Variants in GOLGA4 observed in about 807,000 individuals in gnomAD.
The protein encoded by GOLGA4 is golgin A4.
A neutral mutation model predicts 265.9 loss-of-function variants in GOLGA4; 169 were observed. The observed-to-expected ratio is 0.64, with a 90% CI of 0.56 to 0.72. The LOEUF (loss-of-function observed/expected upper bound fraction) is 0.72, where lower values mean the gene tolerates loss of function less well. GOLGA4 is among the 30% of genes least tolerant of loss of function. GOLGA4 has a pLI of 0.00. For missense variants in GOLGA4, 2,482 were observed against 2,483.4 expected, an observed-to-expected ratio of 1.00 and a Z score of 0.01; for synonymous variants, 923 against 855.8, an observed-to-expected ratio of 1.08 and a Z score of -1.37.
intron 16 of GOLGA4, among the ~76,000 whole-genome samples, chr3:37,333,648 C>A (rs1245956548): frequency 6.6e-6 from 1 of 152,048 alleles, no homozygotes; most frequent in Non-Finnish European, 1.5e-5. Context: ...GAAATGTCAA[C>A]AAACCAAGAC....
At chr3:37,269,677 C>A (rs1005159803) in intron 2 of GOLGA4, among the ~76,000 whole-genome samples, 5 of 152,110 alleles carry the variant, frequency 3.3e-5, no homozygotes, top group Admixed American at 2.0e-4. Context: ...GAAGGCATTA[C>A]AAATAGTGAC....
intron 10 of GOLGA4, chr3:37,313,657 CATT>C (rs1242938373): frequency 1.3e-5 from 2 of 152,088 alleles, no homozygotes; most frequent in African/African-American, 2.4e-5. Context: ...CCTAGGGTAT[CATT>C]ATGCAAATAA....
chr3:37,298,185 G>A (rs1437787583), intron 7 of GOLGA4, among the ~76,000 whole-genome samples: 7 of 152,132 alleles, frequency 4.6e-5, no homozygotes, highest in Non-Finnish European at 2.9e-5. Context: ...AGTAATTCAC[G>A]CAGAGCCGAG....
intron 19 of GOLGA4, among the ~76,000 whole-genome samples, chr3:37,339,140 G>T (rs901216337): frequency 1.8e-4 from 28 of 152,278 alleles, no homozygotes; most frequent in African/African-American, 6.5e-4. Context: ...GGGATTACAG[G>T]CATGAGCCAC....
chr3:37,327,672 A>G lies in GOLGA4; in HGVS notation c.5786A>G (p.Glu1929Gly), dbSNP rs1328376445. ...ATGGAAGCCCAGCACAATGATCTGGAGTTTAAATTAGCCGGGGCAGAACGG... is the reference window on the plus strand; with the variant it reads ...ATGGAAGCCCAGCACAATGATCTGGGGTTTAAATTAGCCGGGGCAGAACGG... ...SNMEAQHNDL[E>G]FKLAGAEREK... The change falls in exon 14 of 24, where the codon GAG (glutamate) becomes GGG (glycine). Residue 1929 changes from glutamate (E) to glycine (G), a missense_variant. Physicochemically the swap from Glu to Gly is moderately conservative, Grantham distance 98. This residue lies in a region of GOLGA4 where 942 missense variants were observed against 983.1 expected (regional missense o/e 0.96). Transcript: ENST00000361924. 5 of 1,613,918 alleles carry G rather than the reference A, an allele frequency of 3.1e-6. No homozygotes were observed. The highest frequency in any genetic ancestry group is 4.2e-6 in the Non-Finnish European group (5 of 1,179,918).
chr3:37,302,273 A>G lies in GOLGA4; in HGVS notation c.1175A>G (p.Lys392Arg), dbSNP rs2096895083. 6.2e-7 allele frequency: 1 copy of G among 1,613,274 alleles called. No homozygotes were observed. The change falls in exon 10 of 24, where the codon AAA becomes AGA. Residue 392 changes from lysine (K) to arginine (R), a missense_variant. This residue lies in a region of GOLGA4 where 1,536 missense variants were observed against 1,483.7 expected (regional missense o/e 1.04). Coordinates refer to ENST00000361924, the MANE Select transcript of GOLGA4 (RefSeq NM_002078.5). ...EEIAQLRSRI[K>R]QMTTQGEELR... ...ATTGCTCAACTCCGTAGTCGCATCA[A>G]ACAGATGACTACCCAGGGAGAGGAA...
In GOLGA4 at chr3:37,282,047, A is replaced by G. The variant is rs755539607; in HGVS notation, c.252A>G (p.Leu84=). The G allele has an allele frequency of 3.7e-6, 6 of 1,613,872 alleles. No individual in the cohort carries two copies. The Admixed American group carries it at 6.7e-5, about 18-fold the overall frequency. The change falls in exon 3 of 24, where the codon CTA becomes CTG. Residue 84 remains leucine, a synonymous_variant. Transcript: ENST00000361924. ...SLFRSPIKES[L]FRSSSKESLV... ...TTCGAAGTCCGATAAAGGAATCTCTATTCCGGTCTTCTTCTAAAGAGTCTT... is the reference window on the plus strand; with the variant it reads ...TTCGAAGTCCGATAAAGGAATCTCTGTTCCGGTCTTCTTCTAAAGAGTCTT...
intron 2 of GOLGA4, chr3:37,273,527 T>TG (rs1229039216): frequency 6.8e-6 from 10 of 1,468,236 alleles, no homozygotes; most frequent in Non-Finnish European, 7.4e-6. Flanking sequence ...GTTTCTTTCT[T>TG]TTTCTTAGAA....
chr3:37,283,814 A>G (rs943115614), intron 3 of GOLGA4, among the ~76,000 whole-genome samples: 3 of 152,194 alleles, frequency 2.0e-5, no homozygotes, highest in African/African-American at 4.8e-5. Context: ...GGCATGAGCC[A>G]CTACACCTGT....
chr3:37,259,637 T>G (rs913951771), intron 2 of GOLGA4, among the ~76,000 whole-genome samples: 5 of 152,198 alleles, frequency 3.3e-5, no homozygotes, highest in Non-Finnish European at 5.9e-5. Context: ...TCCACTTTCT[T>G]GTTGCATATG....
At chr3:37,268,172 C>T (rs904862503) in intron 2 of GOLGA4, among the ~76,000 whole-genome samples, 10 of 151,998 alleles carry the variant, frequency 6.6e-5, no homozygotes, top group Non-Finnish European at 1.2e-4. Flanking sequence ...CCCTCAAATC[C>T]CTGGGCTCAA....
intron 19 of GOLGA4, among the ~76,000 whole-genome samples, chr3:37,338,936 A>G (rs1293194345): frequency 7.0e-6 from 1 of 143,138 alleles, no homozygotes; most frequent in African/African-American, 2.6e-5. Flanking sequence ...ATCTAGGCTC[A>G]CTGCAAGCTC....
intron 1 of GOLGA4, chr3:37,244,300 C>A (rs951187158): frequency 2.6e-5 from 4 of 152,244 alleles, no homozygotes; most frequent in African/African-American, 9.6e-5. Context: ...GGGGCAGACA[C>A]TCTGCCTGTC....
chr3:37,363,839 C>T (rs888378777), intron 23 of GOLGA4, among the ~76,000 whole-genome samples: 2 of 152,070 alleles, frequency 1.3e-5, no homozygotes, highest in African/African-American at 2.4e-5. Flanking sequence ...TCATATTTTC[C>T]TAGTCTTTTT....
Position 37,284,099 on chromosome 3 carries a change from T to C in GOLGA4, c.477+1827T>C, listed in dbSNP as rs560018048. Among the ~76,000 whole-genome samples the C allele has an allele frequency of 6.6e-5, 10 of 152,304 alleles. No individual in the cohort carries two copies. In the East Asian group the frequency reaches 1.9e-3, roughly 29 times the overall value. On this transcript the variant is annotated intron_variant, in intron 3 of 23. Coordinates refer to ENST00000361924, the MANE Select transcript of GOLGA4 (RefSeq NM_002078.5). ...TGTCTCTACCTCTCTCTGGCATTGT[T>C]AGTACCTAGGATGAAATAATGTTGT...
At chr3:37,255,273 T>C (rs1011595353) in intron 2 of GOLGA4, among the ~76,000 whole-genome samples, 2 of 152,088 alleles carry the variant, frequency 1.3e-5, no homozygotes, top group African/African-American at 4.8e-5. Flanking sequence ...CAATTCTCCC[T>C]GCCTCAACCT....
intron 10 of GOLGA4, among the ~76,000 whole-genome samples, chr3:37,307,569 T>C (rs1334866650): frequency 6.6e-6 from 1 of 151,940 alleles, no homozygotes. Flanking sequence ...GTAAGGGCTA[T>C]TTTTTTTCTT....
chr3:37,305,039 C>G (rs1466283523), intron 10 of GOLGA4, among the ~76,000 whole-genome samples: 1 of 152,094 alleles, frequency 6.6e-6, no homozygotes, highest in African/African-American at 2.4e-5. Flanking sequence ...GTGCCTCAGG[C>G]TCCTGAGTAG....
chr3:37,361,843 G>C (rs148783029), intron 23 of GOLGA4, among the ~76,000 whole-genome samples: 98 of 152,330 alleles, frequency 6.4e-4, no homozygotes, highest in African/African-American at 2.1e-3. Context: ...TTGTCCTGAG[G>C]AGACCGTTAG....
Sources: allele counts gnomAD v4.1 joint callset (sites outside exome capture counted in the v4.1 genomes callset), GRCh38; gene constraint gnomAD v4.1.1; regional missense constraint gnomAD v4.1.1; transcripts MANE v1.5; gene names NCBI Gene and HGNC (gene_info 2026-07-23, HGNC 2026-07-21).